DLG5: variants seen among roughly 807,000 people sequenced by gnomAD.
The protein encoded by DLG5 is disks large homolog 5.
A neutral mutation model predicts 189.8 loss-of-function variants in DLG5; 48 were observed. The ratio of observed to expected loss-of-function variants is 0.25; its 90% CI spans 0.20 to 0.32. The LOEUF (loss-of-function observed/expected upper bound fraction) is 0.32. Among genes scored for constraint, DLG5 ranks in the 10% least tolerant of loss-of-function variants. The pLI is 1.00. For missense variants in DLG5, 2,160 were observed against 2,544.7 expected (o/e 0.85, Z 3.25); for synonymous variants, 1,016 against 1,054.1 (o/e 0.96, Z 0.70).
intron 1 of DLG5, chr10:77,869,408 C>G (rs1303325604): frequency 5.5e-6 from 3 of 546,082 alleles, no homozygotes; most frequent in East Asian, 3.5e-5. Flanking sequence ...ATCGGCCCCT[C>G]CTGCTCTGGG....
intron 1 of DLG5, among the ~76,000 whole-genome samples, chr10:77,900,325 TCACCTGGCA>T (rs928576128): frequency 1.1e-4 from 17 of 152,204 alleles, no homozygotes; most frequent in African/African-American, 4.1e-4. Flanking sequence ...GTGCCCATGG[TCACCTGGCA>T]CACCTGGCTG....
intron 5 of DLG5, among the ~76,000 whole-genome samples, chr10:77,849,888 C>T (rs1196072802): frequency 1.3e-5 from 2 of 152,194 alleles, no homozygotes; most frequent in African/African-American, 4.8e-5. Context: ...TAAACAATTT[C>T]TTGTAGAGAT....
Position 77,817,031 on chromosome 10 carries a change from G to T in DLG5, c.3850C>A (p.Arg1284=), listed in dbSNP as rs147486538. 1 of 1,614,006 alleles carries T rather than the reference G, an allele frequency of 6.2e-7. No homozygotes were observed. The highest frequency in any genetic ancestry group is 8.5e-7 in the Non-Finnish European group (1 of 1,180,038). Residue 1284 remains arginine (R), a synonymous_variant, in exon 19 of 32, where the codon CGG becomes AGG. Coordinates refer to ENST00000372391, the MANE Select transcript of DLG5 (RefSeq NM_004747.4). ...IKIPSTPRYP[R]SVVGSERGSV... ...CCTCTCTCGGAGCCCACGACACTCC[G>T]CGGATATCTTGGTGTTGATGGGATT...
At chr10:77,793,272 CCACA>C (rs59847887) in intron 31 of DLG5, 6,444 of 150,576 alleles carry the variant, frequency 0.043, 204 homozygotes, top group East Asian at 0.18. Flanking sequence ...ACACACACAC[CCACA>C]CACACACACA....
chr10:77,799,107 A>G (rs1484778130), intron 27 of DLG5, among the ~76,000 whole-genome samples: 1 of 152,188 alleles, frequency 6.6e-6, no homozygotes, highest in Non-Finnish European at 1.5e-5. Flanking sequence ...TGTCCTCACA[A>G]TTACAGAATT....
chr10:77,835,878 C>T lies in DLG5; in HGVS notation c.1482G>A (p.Glu494=). The change falls in exon 8 of 32, where the codon GAG becomes GAA. Residue 494 remains glutamate, a synonymous_variant. Transcript: ENST00000372391. ...TGCACTGCTTTCGAAGGATTTCAAC[C>T]TCCTTGTTGGCTCTCCCAGCATCCA... The part of the protein sequence containing the change: ...VTMDAGRANK[E]VEILRKQCKA... The T allele has an allele frequency of 1.2e-6, 2 of 1,613,956 alleles. No homozygotes were observed. Among genetic ancestry groups the T allele is most frequent in the East Asian group, 2.2e-5 (1 of 44,878 alleles).
intron 20 of DLG5, among the ~76,000 whole-genome samples, chr10:77,815,600 G>A (rs1842010662): frequency 6.6e-6 from 1 of 152,166 alleles, no homozygotes; most frequent in African/African-American, 2.4e-5. Flanking sequence ...GGCAGAGATT[G>A]CAGTGAGCCA....
Position 77,823,350 on chromosome 10 carries a change from G to A in DLG5, c.2382+1034C>T, listed in dbSNP as rs193098627. On this transcript the variant is annotated intron_variant, in intron 14 of 31. Transcript: ENST00000372391. ...TCATTAAGAGATGTTTTCTAAATTC[G>A]GCCTATTTTTTCTAACTTCCTATTA... Among the ~76,000 whole-genome samples the A allele has an allele frequency of 3.9e-5, 6 of 152,070 alleles. No homozygotes were observed. In the East Asian group the frequency reaches 5.8e-4, roughly 15 times the overall value.
intron 1 of DLG5, among the ~76,000 whole-genome samples, chr10:77,916,831 T>C (rs1387085383): frequency 6.7e-6 from 1 of 150,342 alleles, no homozygotes; most frequent in African/African-American, 2.5e-5. Flanking sequence ...ATAGCAGCAT[T>C]ATTCACAATG....
chr10:77,817,884 T>A lies in DLG5; in HGVS notation c.3677A>T (p.Gln1226Leu), dbSNP rs1340402896. The change falls in exon 18 of 32, where the codon CAG becomes CTG. Residue 1226 changes from glutamine (Q) to leucine (L), a missense_variant. Transcript: ENST00000372391. Reference sequence around the variant, plus strand: ...GTCCAGGCTCAGGCGTCCCTGGTGCTGGACACTGCGTAAAAACAAGAGGTG... The same window carrying A: ...GTCCAGGCTCAGGCGTCCCTGGTGCAGGACACTGCGTAAAAACAAGAGGTG... ...AGPQGLHPSV[Q>L]HQGRLSLDLS... is the part of the protein sequence containing the mutation. 1.9e-6 allele frequency: 3 copies of A among 1,551,616 alleles called. No homozygotes were observed. The South Asian group carries it at 3.6e-5, about 18-fold the overall frequency.
intron 9 of DLG5, among the ~76,000 whole-genome samples, chr10:77,833,465 G>A (rs143378452): frequency 3.3e-5 from 5 of 152,324 alleles, no homozygotes; most frequent in Non-Finnish European, 5.9e-5. Context: ...AAAGGGACTT[G>A]GTATGCTTGT....
chr10:77,840,688 C>T (rs919846348), intron 7 of DLG5, among the ~76,000 whole-genome samples: 1 of 152,134 alleles, frequency 6.6e-6, no homozygotes, highest in Non-Finnish European at 1.5e-5. Context: ...CACTGCACTT[C>T]AGGCTGGGCA....
At chr10:77,802,519 G>C (rs1297539739) in intron 27 of DLG5, among the ~76,000 whole-genome samples, 1 of 152,210 alleles carries the variant, frequency 6.6e-6, no homozygotes, top group Non-Finnish European at 1.5e-5. Flanking sequence ...AAATGTAAAA[G>C]GCAAAAACCG....
chr10:77,920,668 C>A (rs1425881524), intron 1 of DLG5, among the ~76,000 whole-genome samples: 1 of 152,146 alleles, frequency 6.6e-6, no homozygotes, highest in Non-Finnish European at 1.5e-5. Flanking sequence ...ATAACACTGG[C>A]CAGACCAATC....
chr10:77,883,823 A>G (rs1456755979), intron 1 of DLG5, among the ~76,000 whole-genome samples: 1 of 151,322 alleles, frequency 6.6e-6, no homozygotes, highest in Non-Finnish European at 1.5e-5. Context: ...CAGCCTCCCA[A>G]GTAACTGGGA....
intron 1 of DLG5, among the ~76,000 whole-genome samples, chr10:77,901,070 G>A (rs1293499115): frequency 6.7e-6 from 1 of 150,066 alleles, no homozygotes; most frequent in Non-Finnish European, 1.5e-5. Context: ...AGCCAAGATC[G>A]CGCCATTGCA....
chr10:77,807,254 A>T lies in DLG5; in HGVS notation c.4797-326T>A, dbSNP rs566433507. Among the ~76,000 whole-genome samples, 8 of 152,296 alleles carry T rather than the reference A, an allele frequency of 5.3e-5. No individual in the cohort carries two copies. The South Asian group carries it at 1.7e-3, about 32-fold the overall frequency. On this transcript the variant is annotated intron_variant, in intron 25 of 31. Transcript: ENST00000372391. Reference sequence around the variant, plus strand: ...CCCAGGCCCGGCCCCTGGTTCCTACAGACTGGAATCTCTCTAGGATGGAAA... The same window carrying T: ...CCCAGGCCCGGCCCCTGGTTCCTACTGACTGGAATCTCTCTAGGATGGAAA...
chr10:77,925,204 C>A (rs927258225), intron 1 of DLG5, among the ~76,000 whole-genome samples: 2 of 152,144 alleles, frequency 1.3e-5, no homozygotes, highest in Non-Finnish European at 1.5e-5. Flanking sequence ...GCATTTTAAC[C>A]ACTCCAAGCC....
chr10:77,856,874 G>A lies in DLG5; in HGVS notation c.392C>T (p.Pro131Leu), dbSNP rs369160921. ...LSSVGTTGKA[P>L]SPPPLLTDQQ... The stretch of plus-strand genomic sequence containing the variant: ...GTCAGTGAGGAGGGGTGGTGGGGAC[G>A]GCGCCTTCCCGGTAGTGCCTGTGGA... Residue 131 changes from proline to leucine, a missense_variant, in exon 3 of 32, where the codon CCG (proline) becomes CTG (leucine). By Grantham distance (98) the Pro-to-Leu change is moderately conservative. Coordinates refer to ENST00000372391, the MANE Select transcript of DLG5 (RefSeq NM_004747.4). The A allele has an allele frequency of 2.1e-5, 34 of 1,611,600 alleles. No homozygotes were observed. Among genetic ancestry groups the A allele is most frequent in the African/African-American group, 6.7e-5 (5 of 74,836 alleles).
Sources: allele counts gnomAD v4.1 joint callset (sites outside exome capture counted in the v4.1 genomes callset), GRCh38; gene constraint gnomAD v4.1.1; transcripts MANE v1.5; gene names NCBI Gene and HGNC (gene_info 2026-07-23, HGNC 2026-07-21).